SLC25A37: variants seen among roughly 807,000 people sequenced by gnomAD.
SLC25A37 encodes the protein solute carrier family 25 member 37, also known as mitoferrin-1.
A neutral mutation model predicts 31.0 loss-of-function variants in SLC25A37; 17 were observed. The ratio of observed to expected loss-of-function variants is 0.55; its 90% CI spans 0.38 to 0.82. The LOEUF is 0.82. Ranked by LOEUF, SLC25A37 falls within the 40% of genes least tolerant of loss-of-function variation. SLC25A37 has a pLI of 0.00. For missense variants in SLC25A37, 404 were observed against 465.8 expected (o/e 0.87, Z 1.22); for synonymous variants, 222 against 193.0 (o/e 1.15, Z -1.24).
intron 1 of SLC25A37, among the ~76,000 whole-genome samples, chr8:23,553,385 C>T (rs1802279543): frequency 6.6e-6 from 1 of 152,036 alleles, no homozygotes; most frequent in Non-Finnish European, 1.5e-5. Context: ...CACGCCATTG[C>T]ACTCCAGTCT....
At chr8:23,569,451 C>T (rs924235223) in intron 3 of SLC25A37, among the ~76,000 whole-genome samples, 4 of 147,786 alleles carry the variant, frequency 2.7e-5, no homozygotes, top group African/African-American at 1.0e-4. Context: ...CCCTTGTTAA[C>T]CCTTATCGAT....
chr8:23,553,473 G>T (rs1469482625), intron 1 of SLC25A37, among the ~76,000 whole-genome samples: 1 of 151,944 alleles, frequency 6.6e-6, no homozygotes, highest in Non-Finnish European at 1.5e-5. Flanking sequence ...TGAGGATGAG[G>T]CATTTCTTCC....
intron 1 of SLC25A37, among the ~76,000 whole-genome samples, chr8:23,556,275 C>T (rs1225915834): frequency 4.1e-5 from 6 of 147,570 alleles, no homozygotes; most frequent in South Asian, 2.1e-4. Context: ...GGCTGAAGTG[C>T]GGTGACATGA....
intron 1 of SLC25A37, among the ~76,000 whole-genome samples, chr8:23,557,188 A>T (rs1224133034): frequency 2.0e-5 from 3 of 152,156 alleles, no homozygotes; most frequent in Admixed American, 1.3e-4. Context: ...TCAAAGGGCC[A>T]GGGTGGGACT....
rs1348795199 is a variant in SLC25A37 at position 23,529,922 on chromosome 8, C to A, written c.210+710C>A. 6.6e-6 allele frequency among the ~76,000 whole-genome samples: 1 copy of A among 152,144 alleles called. No homozygotes were observed. On this transcript the variant is annotated intron_variant, in intron 1 of 3. Coordinates refer to ENST00000519973, the MANE Select transcript of SLC25A37 (RefSeq NM_016612.4). The surrounding 1 kb of genome is among the most constrained non-coding windows in gnomAD (Gnocchi z 4.1). ...GGGAGGTGGGTGGGCTTGTGCCTTA[C>A]AGCCCTTGCTGTGGATTGTGTGAGA...
chr8:23,571,586 G>T lies in SLC25A37; in HGVS notation c.748G>T (p.Ala250Ser). Reference sequence around the variant, plus strand: ...CGGGCTGGCCGGGGCCCTCGCCGCGGCCGCCACGACCCCCCTGGACGTCTG... The same window carrying T: ...CGGGCTGGCCGGGGCCCTCGCCGCGTCCGCCACGACCCCCCTGGACGTCTG... ...SGGLAGALAA[A>S]ATTPLDVCKT... The change falls in exon 4 of 4, where the codon GCC (alanine) becomes TCC (serine). Residue 250 changes from alanine to serine, a missense_variant. By Grantham distance (99) the Ala-to-Ser change is moderately conservative (BLOSUM62 1). This residue lies in a region of SLC25A37 where 243 missense variants were observed against 284.4 expected (regional missense o/e 0.85). Transcript: ENST00000519973. 2 of 1,613,732 alleles carry T rather than the reference G, an allele frequency of 1.2e-6. No individual in the cohort carries two copies. The highest frequency in any genetic ancestry group is 1.7e-6 in the Non-Finnish European group (2 of 1,179,824).
intron 1 of SLC25A37, among the ~76,000 whole-genome samples, chr8:23,545,699 A>G (rs974555468): frequency 5.3e-5 from 8 of 152,298 alleles, no homozygotes; most frequent in African/African-American, 1.7e-4. Flanking sequence ...AAGCATAGAA[A>G]ATGCCCTGTG....
At chr8:23,570,325 C>T (rs929267801) in intron 3 of SLC25A37, among the ~76,000 whole-genome samples, 21 of 148,722 alleles carry the variant, frequency 1.4e-4, no homozygotes, top group Admixed American at 6.1e-4. Flanking sequence ...GTAAACTGAC[C>T]TGCCTTCATG....
At chr8:23,571,051 GTTCGGGGGCTGCC>G (rs1283750931) in intron 3 of SLC25A37, among the ~76,000 whole-genome samples, 2 of 152,172 alleles carry the variant, frequency 1.3e-5, no homozygotes, top group Non-Finnish European at 2.9e-5. Flanking sequence ...TGGCTGCCTG[GTTCGGGGGCTGCC>G]TTCAGCAAGA....
intron 1 of SLC25A37, among the ~76,000 whole-genome samples, chr8:23,545,682 A>G (rs1180623143): frequency 1.3e-5 from 2 of 152,200 alleles, no homozygotes; most frequent in African/African-American, 4.8e-5. Context: ...AGAAATGGTC[A>G]GGATAGAAGC....
chr8:23,566,349 C>T lies in SLC25A37; in HGVS notation c.439+13C>T, dbSNP rs1307146148. The T allele has an allele frequency of 1.9e-6, 3 of 1,598,080 alleles. No individual in the cohort carries two copies. The highest frequency in any genetic ancestry group is 2.3e-5 in the East Asian group (1 of 44,292). On this transcript the variant is annotated intron_variant, in intron 2 of 3. Coordinates refer to ENST00000519973, the MANE Select transcript of SLC25A37 (RefSeq NM_016612.4). ...CACCTAGCCAACGGTATTTTGAAAG[C>T]GTTTGTCTGGAGTTAGAAAGTTCTC...
chr8:23,541,442 T>A (rs11785620), intron 1 of SLC25A37: 21,396 of 152,352 alleles, frequency 0.14, 1,972 homozygotes, highest in Admixed American at 0.25. Flanking sequence ...CTTCCCCAGT[T>A]TGGCCTTTCC....
At chr8:23,557,116 G>A (rs1802388084) in intron 1 of SLC25A37, among the ~76,000 whole-genome samples, 1 of 152,164 alleles carries the variant, frequency 6.6e-6, no homozygotes, top group South Asian at 2.1e-4. Flanking sequence ...CTCCCAAAGT[G>A]CTGGGATTAC....
chr8:23,571,168 C>G (rs1045537004), intron 3 of SLC25A37, among the ~76,000 whole-genome samples, 167 bp from the exon 4 acceptor site: 1 of 152,226 alleles, frequency 6.6e-6, no homozygotes, highest in South Asian at 2.1e-4. Context: ...GCTGGCCCTC[C>G]GCGGCTGCTC....
At chr8:23,570,411 G>GT in intron 3 of SLC25A37, among the ~76,000 whole-genome samples, 1 of 151,982 alleles carries the variant, frequency 6.6e-6, no homozygotes, top group South Asian at 2.1e-4. Context: ...AGCGGTGGTG[G>GT]GGGGTGGGGT....
Position 23,573,742 on chromosome 8 carries a change from G to A in SLC25A37, c.*1887G>A, listed in dbSNP as rs1356066595. Reference sequence around the variant, plus strand: ...ACTGGGTACCTCCCACGTGTGCCCCGTGAACAGCCCTTTGCAGCTGGGCTG... The same window carrying A: ...ACTGGGTACCTCCCACGTGTGCCCCATGAACAGCCCTTTGCAGCTGGGCTG... On this transcript the variant is annotated 3_prime_UTR_variant, in exon 4 of 4. Coordinates refer to ENST00000519973, the MANE Select transcript of SLC25A37 (RefSeq NM_016612.4). 3 of 449,028 alleles carry A rather than the reference G, an allele frequency of 6.7e-6. No homozygotes were observed. Among genetic ancestry groups the A allele is most frequent in the South Asian group, 1.6e-5 (1 of 64,244 alleles). 27.8% of individuals were successfully genotyped at this position (449,028 alleles called of 1,614,324 possible).
chr8:23,533,458 T>G (rs1801701333), intron 1 of SLC25A37, among the ~76,000 whole-genome samples: 1 of 152,244 alleles, frequency 6.6e-6, no homozygotes, highest in African/African-American at 2.4e-5. Flanking sequence ...TTTTCCTGGC[T>G]TCCACTTGGG....
intron 1 of SLC25A37, among the ~76,000 whole-genome samples, chr8:23,539,123 T>A (rs1244589355): frequency 6.6e-6 from 1 of 152,162 alleles, no homozygotes; most frequent in Non-Finnish European, 1.5e-5. Flanking sequence ...GTGTTATGGT[T>A]TCACATTCAT....
chr8:23,565,445 C>T (rs566163284), intron 1 of SLC25A37, among the ~76,000 whole-genome samples: 2 of 151,782 alleles, frequency 1.3e-5, no homozygotes, highest in South Asian at 4.2e-4. Context: ...TGTGGAGTAG[C>T]CATTCTTTTA....
Sources: allele counts gnomAD v4.1 joint callset (sites outside exome capture counted in the v4.1 genomes callset), GRCh38; gene constraint gnomAD v4.1.1; regional missense constraint gnomAD v4.1.1; non-coding constraint Gnocchi (gnomAD v3.1); transcripts MANE v1.5; gene names NCBI Gene and HGNC (gene_info 2026-07-23, HGNC 2026-07-21).